HMCN1: variants seen among roughly 807,000 people sequenced by gnomAD.
HMCN1 encodes hemicentin 1.
In HMCN1, 321 loss-of-function variants were observed where a neutral mutation model predicts 625.9. The ratio of observed to expected loss-of-function variants is 0.51; its 90% CI spans 0.47 to 0.56. The LOEUF is 0.56. HMCN1 is among the 20% of genes least tolerant of loss of function. The probability of loss-of-function intolerance (pLI) is 0.00; values close to 1 mark genes in which losing one functional copy is unlikely to be tolerated. For missense variants in HMCN1, 6,588 were observed against 6,887.3 expected (o/e 0.96, Z 1.54); for synonymous variants, 2,425 against 2,417.6 (o/e 1.00, Z -0.09).
At chr1:186,164,340 C>T (rs542249043) in intron 97 of HMCN1, among the ~76,000 whole-genome samples, 17 of 150,550 alleles carry the variant, frequency 1.1e-4, no homozygotes, top group Middle Eastern at 3.4e-3. Flanking sequence ...CCTGGGTTCA[C>T]GCCATTCTGC....
chr1:185,744,496 C>A (rs534446838), intron 1 of HMCN1, among the ~76,000 whole-genome samples: 2 of 152,144 alleles, frequency 1.3e-5, no homozygotes. Context: ...GCCATTAGAT[C>A]CACTCATTCA....
At chr1:185,838,600 G>A (rs1661309256) in intron 1 of HMCN1, among the ~76,000 whole-genome samples, 1 of 152,244 alleles carries the variant, frequency 6.6e-6, no homozygotes, top group South Asian at 2.1e-4. Context: ...GAACATGCAT[G>A]AGCCAAGGTC....
intron 30 of HMCN1, among the ~76,000 whole-genome samples, chr1:186,010,389 A>T (rs1653922759): frequency 6.6e-6 from 1 of 152,206 alleles, no homozygotes. Context: ...TGTCAAATTT[A>T]AGCAGTGGAT....
intron 45 of HMCN1, 135 bp downstream of exon 45, chr1:186,055,809 A>C (rs548552076): frequency 4.7e-6 from 4 of 859,984 alleles, no homozygotes; most frequent in Non-Finnish European, 5.8e-6. Flanking sequence ...CCTTTTCCCC[A>C]GGTCAGTCTC....
intron 3 of HMCN1, 139 bp from the exon 4 acceptor site, chr1:185,865,602 C>T (rs1415400737): frequency 1.5e-6 from 1 of 646,504 alleles, no homozygotes; most frequent in Non-Finnish European, 2.7e-6. Context: ...CACACACACA[C>T]ACACACACAC....
At chr1:185,967,011 T>C (rs763905876) in intron 14 of HMCN1, among the ~76,000 whole-genome samples, 42 of 152,200 alleles carry the variant, frequency 2.8e-4, no homozygotes, top group Non-Finnish European at 8.8e-5. Context: ...ATCAGGTTTA[T>C]GTTGGTTAAC....
In HMCN1 at chr1:186,015,329, C is replaced by A. The variant is rs921020423; in HGVS notation, c.4801C>A (p.Gln1601Lys). 1.2e-6 allele frequency: 2 copies of A among 1,613,750 alleles called. No individual in the cohort carries two copies. Among genetic ancestry groups the A allele is most frequent in the Admixed American group, 3.3e-5 (2 of 59,968 alleles). Residue 1601 changes from glutamine (Q) to lysine (K), a missense_variant, in exon 31 of 107, where the codon CAA becomes AAA. Gln to Lys is a moderately conservative substitution (Grantham distance 53). Transcript: ENST00000271588. ...ACAAGCACTTTATATTGATAAAGGA[C>A]AATATCTTCATATTCCTCGAGCACA... ...SSQALYIDKG[Q>K]YLHIPRAQVS...
intron 11 of HMCN1, among the ~76,000 whole-genome samples, chr1:185,953,691 G>A (rs1001456176): frequency 2.6e-5 from 4 of 151,794 alleles, no homozygotes; most frequent in Non-Finnish European, 5.9e-5. Flanking sequence ...TCTTTCTCAC[G>A]GAGCAAAGAG....
chr1:185,773,143 G>A (rs1310646155), intron 1 of HMCN1, among the ~76,000 whole-genome samples: 2 of 152,122 alleles, frequency 1.3e-5, no homozygotes, highest in African/African-American at 2.4e-5. Flanking sequence ...ATTGGGAATG[G>A]TTTCACCCTC....
At position 186,088,806 on chromosome 1, in the gene HMCN1, A is replaced by T. The variant is rs773517352; in HGVS notation, c.9727+51A>T. The T allele has an allele frequency of 2.0e-6, 3 of 1,511,640 alleles. No homozygotes were observed. In the African/African-American group the frequency reaches 4.1e-5, roughly 21 times the overall value. The allele number at this position is 1,511,640 out of a possible 1,614,324, so 93.6% of individuals were successfully genotyped here. ...CTTCAATTTCTTTGTTATTCCATTTATAGTACAAAATAATCTACATTTAAA... is the reference window on the plus strand; with the variant it reads ...CTTCAATTTCTTTGTTATTCCATTTTTAGTACAAAATAATCTACATTTAAA... On this transcript the variant is annotated intron_variant, in intron 63 of 106. Coordinates refer to ENST00000271588, the MANE Select transcript of HMCN1 (RefSeq NM_031935.3).
intron 70 of HMCN1, 73 bp downstream of exon 70, chr1:186,107,038 C>A: frequency 1.1e-6 from 1 of 880,844 alleles, no homozygotes; most frequent in Non-Finnish European, 2.0e-6. Context: ...AACACCACAG[C>A]ACATCACAGG....
chr1:185,826,678 C>T (rs1660532427), intron 1 of HMCN1, among the ~76,000 whole-genome samples: 1 of 152,136 alleles, frequency 6.6e-6, no homozygotes, highest in South Asian at 2.1e-4. Context: ...GTCTTCATTG[C>T]AGTAGAGAAA....
At chr1:186,187,306 G>T (rs1431192759) in intron 105 of HMCN1, among the ~76,000 whole-genome samples, 1 of 152,056 alleles carries the variant, frequency 6.6e-6, no homozygotes, top group East Asian at 1.9e-4. Flanking sequence ...ACATTGTAGT[G>T]CCTGGGCCAC....
intron 2 of HMCN1, among the ~76,000 whole-genome samples, chr1:185,862,114 T>C (rs1469875257): frequency 2.6e-5 from 4 of 152,044 alleles, no homozygotes; most frequent in Non-Finnish European, 5.9e-5. Flanking sequence ...ATTTATAATA[T>C]TAAAAATTCT....
At chr1:186,109,674 C>T (rs552073030) in intron 71 of HMCN1, among the ~76,000 whole-genome samples, 3 of 152,318 alleles carry the variant, frequency 2.0e-5, no homozygotes, top group African/African-American at 7.2e-5. Flanking sequence ...TCAGTATATA[C>T]TGGGTGAGGC....
At chr1:185,864,191 C>T (rs1388246186) in intron 2 of HMCN1, among the ~76,000 whole-genome samples, 1 of 152,086 alleles carries the variant, frequency 6.6e-6, no homozygotes, top group Non-Finnish European at 1.5e-5. Flanking sequence ...ATGAGATCAT[C>T]GTGTAAGAGA....
intron 90 of HMCN1, 79 bp downstream of exon 90, chr1:186,144,422 A>G (rs1191764553): frequency 5.6e-6 from 9 of 1,599,710 alleles, no homozygotes; most frequent in Middle Eastern, 2.1e-4. Flanking sequence ...ACAAGAATCT[A>G]TCCCATTCTA....
intron 97 of HMCN1, among the ~76,000 whole-genome samples, chr1:186,164,806 A>T (rs1321991455): frequency 1.3e-5 from 2 of 152,232 alleles, no homozygotes; most frequent in Non-Finnish European, 2.9e-5. Flanking sequence ...GCCCATGGTT[A>T]TGCCTGGCAT....
chr1:186,087,277 T>A lies in HMCN1; in HGVS notation c.9107T>A (p.Ile3036Lys). The change falls in exon 59 of 107, where the codon ATA (isoleucine) becomes AAA (lysine). Residue 3036 changes from isoleucine (I) to lysine (K), a missense_variant. This residue lies in a region of HMCN1 where 4,628 missense variants were observed against 4,853.1 expected (regional missense o/e 0.95). Transcript: ENST00000271588. ...TCAGATGGTGGTGAATACACTTGTATAGCTATCAATCAAGCTGGCGAAAGC... is the reference window on the plus strand; with the variant it reads ...TCAGATGGTGGTGAATACACTTGTAAAGCTATCAATCAAGCTGGCGAAAGC... ...KVSDGGEYTC[I>K]AINQAGESKK... 6.2e-7 allele frequency: 1 copy of A among 1,613,338 alleles called. No individual in the cohort carries two copies. The highest frequency in any genetic ancestry group is 8.5e-7 in the Non-Finnish European group (1 of 1,179,488).
Sources: allele counts gnomAD v4.1 joint callset (sites outside exome capture counted in the v4.1 genomes callset), GRCh38; gene constraint gnomAD v4.1.1; regional missense constraint gnomAD v4.1.1; transcripts MANE v1.5; gene names NCBI Gene and HGNC (gene_info 2026-07-23, HGNC 2026-07-21).